The following MTMR4 variants were observed in gnomAD, a reference collection of about 807,000 sequenced individuals.
The protein encoded by MTMR4 is phosphatidylinositol-3,5-bisphosphate 3-phosphatase MTMR4.
MTMR4 carries 30 observed loss-of-function variants against 125.5 expected under a neutral mutation model. The ratio of observed to expected loss-of-function variants is 0.24; its 90% CI spans 0.18 to 0.32. MTMR4 has a LOEUF of 0.32. Among genes scored for constraint, MTMR4 ranks in the 10% least tolerant of loss-of-function variants. The pLI is 1.00. For missense variants in MTMR4, 1,039 were observed against 1,511.5 expected (o/e 0.69, Z 5.18); for synonymous variants, 498 against 564.5 (o/e 0.88, Z 1.67).
At chr17:58,515,336 A>C (rs1976059726), upstream of MTMR4, among the ~76,000 whole-genome samples, 1 of 152,212 alleles carries the variant, frequency 6.6e-6, no homozygotes, top group Non-Finnish European at 1.5e-5. Context: ...AGGACCAGGA[A>C]TAAGGGGCTC....
chr17:58,507,434 C>CA, intron 7 of MTMR4, 115 bp from the exon 8 acceptor site: 1 of 843,312 alleles, frequency 1.2e-6, no homozygotes, highest in Non-Finnish European at 1.8e-6. Context: ...TCATCCAGGC[C>CA]ATAACAGCAA....
At chr17:58,492,434 G>T in intron 17 of MTMR4, 77 bp downstream of exon 17, 2 of 1,300,342 alleles carry the variant, frequency 1.5e-6, no homozygotes, top group Non-Finnish European at 2.2e-6. Context: ...CTCCCAAGGT[G>T]TTGGCATTAC....
intron 9 of MTMR4, 79 bp from the exon 10 acceptor site, chr17:58,505,662 C>A (rs1292661337): frequency 8.8e-6 from 8 of 912,888 alleles, no homozygotes; most frequent in South Asian, 1.3e-5. Flanking sequence ...AATCCCAGCA[C>A]TTTGGGAGGC....
rs1338825701 is a variant in MTMR4 at position 58,505,540 on chromosome 17, G to A, written c.1077C>T (p.Asn359=). 1 of 1,613,054 alleles carries A rather than the reference G, an allele frequency of 6.2e-7. No individual in the cohort carries two copies. Among genetic ancestry groups the A allele is most frequent in the Admixed American group, 1.7e-5 (1 of 59,972 alleles). ...GAAAGCTGTTCCGGATGGCATGGAT[G>A]TTGGCCATTCCCATGAACACGACCT... ...NCEVVFMGMA[N]IHAIRNSFQY... is the part of the protein sequence containing the mutation. The change falls in exon 10 of 18, where the codon AAC becomes AAT. Residue 359 remains asparagine, a synonymous_variant. Transcript: ENST00000682306.
chr17:58,503,335 C>T (rs1465933484), intron 14 of MTMR4, among the ~76,000 whole-genome samples: 2 of 152,110 alleles, frequency 1.3e-5, no homozygotes, highest in Non-Finnish European at 2.9e-5. Context: ...GCAAATGACT[C>T]AAGAAGTTGC....
intron 1 of MTMR4, among the ~76,000 whole-genome samples, chr17:58,513,747 A>T (rs1468041581): frequency 1.3e-5 from 2 of 152,032 alleles, no homozygotes; most frequent in African/African-American, 4.8e-5. Context: ...GTGGGGGGAC[A>T]GCTGAGAGGA....
upstream of MTMR4, among the ~76,000 whole-genome samples, chr17:58,517,497 G>A (rs946709658): frequency 1.3e-5 from 2 of 152,256 alleles, no homozygotes; most frequent in African/African-American, 4.8e-5. Flanking sequence ...TGGGGGAACC[G>A]GCAAGAGGCA....
Position 58,508,277 on chromosome 17 carries a change from G to A in MTMR4, c.594-3C>T, listed in dbSNP as rs923737375. 6.2e-7 allele frequency: 1 copy of A among 1,613,288 alleles called. No homozygotes were observed. Among genetic ancestry groups the A allele is most frequent in the Non-Finnish European group, 8.5e-7 (1 of 1,179,298 alleles). On this transcript the variant is annotated splice_polypyrimidine_tract_variant and splice_region_variant and intron_variant, in intron 6 of 17. Coordinates refer to ENST00000682306, the MANE Select transcript of MTMR4 (RefSeq NM_001378067.1). The surrounding 1 kb of genome is among the most constrained non-coding windows in gnomAD (Gnocchi z 4.8). The stretch of plus-strand genomic sequence containing the variant: ...TCTGGGGGTAACTGGGGCACAATCT[G>A]AGAAGAGACCAGGTGGGGGTCACTG...
At position 58,494,986 on chromosome 17, in the gene MTMR4, G is replaced by A. The variant is rs61744121; in HGVS notation, c.3198C>T (p.Ile1066=). Residue 1066 remains isoleucine (I), a synonymous_variant, in exon 15 of 18, where the codon ATC becomes ATT. Coordinates refer to ENST00000682306, the MANE Select transcript of MTMR4 (RefSeq NM_001378067.1). The part of the protein sequence containing the change: ...QVRELQMRLD[I]RHCCAPPAEP... ...CTGCTGGAGGGGCACAGCAGTGACGGATGTCCAGCCTCATCTGAAGCTCAC... is the reference window on the plus strand; with the variant it reads ...CTGCTGGAGGGGCACAGCAGTGACGAATGTCCAGCCTCATCTGAAGCTCAC... 22,429 of 1,614,182 alleles carry A rather than the reference G, an allele frequency of 0.014. 256 individuals carry two copies. Among genetic ancestry groups the A allele is most frequent in the Middle Eastern group, 0.05 (306 of 6,062 alleles).
intron 17 of MTMR4, 110 bp from the exon 18 acceptor site, chr17:58,491,950 C>T (rs988347903): frequency 1.2e-5 from 11 of 929,898 alleles, no homozygotes; most frequent in Non-Finnish European, 1.5e-5. Context: ...GCAGTAGAAT[C>T]GCTTGAGGCC....
intron 14 of MTMR4, among the ~76,000 whole-genome samples, chr17:58,500,027 A>T (rs1441309420): frequency 6.6e-6 from 1 of 152,196 alleles, no homozygotes; most frequent in African/African-American, 2.4e-5. Context: ...ACACAAAAAG[A>T]CCCACAGTTC....
rs1975305221 is a variant in MTMR4 at position 58,491,229 on chromosome 17, G to C, written c.*434C>G. 1 of 154,238 alleles carries C rather than the reference G, an allele frequency of 6.5e-6. No individual in the cohort carries two copies. The highest frequency in any genetic ancestry group is 1.4e-5 in the Non-Finnish European group (1 of 69,106). The allele number at this position is 154,238 out of a possible 1,614,324, so 9.6% of individuals were successfully genotyped here. A position where few individuals can be genotyped will look rare whatever the true frequency, so the allele number is the denominator to read the frequency against. ...GATATAGTTCATCTCAAATAGGACA[G>C]GAATTCCTACCTTGTATACTATAAT... On this transcript the variant is annotated 3_prime_UTR_variant, in exon 18 of 18. Coordinates refer to ENST00000682306, the MANE Select transcript of MTMR4 (RefSeq NM_001378067.1).
Position 58,508,839 on chromosome 17 carries a change from C to T in MTMR4, c.338G>A (p.Cys113Tyr). ...GCACTGCTTAAAAGTGGAGAAGTGG[C>T]ACCTGCCAGGCAAGAAGCCACAGGC... Reference protein sequence around the residue: ...ISCKDSKVVRCHFSTFKQCQE... With the variant: ...ISCKDSKVVRYHFSTFKQCQE... The change falls in exon 5 of 18, where the codon TGC (cysteine) becomes TAC (tyrosine). Residue 113 changes from cysteine to tyrosine, a missense_variant and splice_region_variant. Cys to Tyr is a radical substitution (Grantham distance 194, BLOSUM62 -2). Around this residue, in one of 6 missense-constraint regions of MTMR4, gnomAD observed 202 missense variants for 311.9 expected, o/e 0.65. Coordinates refer to ENST00000682306, the MANE Select transcript of MTMR4 (RefSeq NM_001378067.1). The surrounding 1 kb of genome is among the most constrained non-coding windows in gnomAD (Gnocchi z 4.8). 6.2e-7 allele frequency: 1 copy of T among 1,611,244 alleles called. No individual in the cohort carries two copies. Among genetic ancestry groups the T allele is most frequent in the Non-Finnish European group, 8.5e-7 (1 of 1,177,688 alleles).
chr17:58,502,773 G>T (rs892537319), intron 14 of MTMR4, among the ~76,000 whole-genome samples: 1 of 152,208 alleles, frequency 6.6e-6, no homozygotes, highest in East Asian at 1.9e-4. Context: ...CCTATGTAGA[G>T]ATAAACATTT....
In MTMR4 at chr17:58,495,061, T is replaced by C; in HGVS notation, c.3123A>G (p.Gln1041=). 6.2e-7 allele frequency: 1 copy of C among 1,614,196 alleles called. No individual in the cohort carries two copies. The highest frequency in any genetic ancestry group is 1.1e-5 in the South Asian group (1 of 91,080). The stretch of plus-strand genomic sequence containing the variant: ...CCTCTTGTTTGTACCCTGCTTCGAT[T>C]TGCCGTAACCTATGCTGGATCACAT... ...PTDVIQHRLR[Q]IEAGYKQEVE... Residue 1041 remains glutamine (Q), a synonymous_variant, in exon 15 of 18, where the codon CAA becomes CAG. Coordinates refer to ENST00000682306, the MANE Select transcript of MTMR4 (RefSeq NM_001378067.1).
intron 13 of MTMR4, 70 bp from the exon 14 acceptor site, chr17:58,503,968 A>G: frequency 4.5e-6 from 7 of 1,557,106 alleles, no homozygotes; most frequent in Non-Finnish European, 6.1e-6. Flanking sequence ...TAAGCCCTTG[A>G]CTCTACATTT....
Position 58,495,103 on chromosome 17 carries a change from T to G in MTMR4, c.3081A>C (p.Gly1027=). ...PVPPLYLDDD[G]LPFPTDVIQH... Reference sequence around the variant, plus strand: ...GGATCACATCCGTGGGAAAGGGGAGTCCATCATCATCCAAATACAGAGGAG... The same window carrying G: ...GGATCACATCCGTGGGAAAGGGGAGGCCATCATCATCCAAATACAGAGGAG... Residue 1027 remains glycine (G), a synonymous_variant, in exon 15 of 18, where the codon GGA becomes GGC. Transcript: ENST00000682306. 1.2e-6 allele frequency: 2 copies of G among 1,613,766 alleles called. No homozygotes were observed. The highest frequency in any genetic ancestry group is 1.7e-6 in the Non-Finnish European group (2 of 1,179,968).
rs1417441151 is a variant in MTMR4 at position 58,495,321 on chromosome 17, G to T, written c.2863C>A (p.Gln955Lys). Residue 955 changes from glutamine (Q) to lysine (K), a missense_variant, in exon 15 of 18, where the codon CAG becomes AAG. Physicochemically the swap from Gln to Lys is moderately conservative, Grantham distance 53. This residue lies in a region of MTMR4 where 619 missense variants were observed against 714.5 expected (regional missense o/e 0.87). Coordinates refer to ENST00000682306, the MANE Select transcript of MTMR4 (RefSeq NM_001378067.1). ...GCCSKRPNSK[Q>K]MRATGPCFGG... ...AAGCAGGGCCCTGTGGCCCGCATCT[G>T]CTTACTGTTTGGCCTCTTGCTACAA... 6.2e-7 allele frequency: 1 copy of T among 1,614,222 alleles called. No individual in the cohort carries two copies. The highest frequency in any genetic ancestry group is 8.5e-7 in the Non-Finnish European group (1 of 1,180,040).
intron 4 of MTMR4, among the ~76,000 whole-genome samples, chr17:58,509,374 C>A (rs1975865098): frequency 6.6e-6 from 1 of 151,368 alleles, no homozygotes; most frequent in Non-Finnish European, 1.5e-5. Context: ...GAAACTCCTT[C>A]CTCTCTTGAT....
Sources: gnomAD v4.1 joint callset for allele counts (sites outside exome capture counted in the v4.1 genomes callset) on GRCh38, gnomAD v4.1.1 for gene constraint, gnomAD v4.1.1 regional missense constraint, Gnocchi (gnomAD v3.1) non-coding constraint, MANE v1.5 for transcripts, NCBI Gene and HGNC (gene_info 2026-07-23, HGNC 2026-07-21) for gene names.